SNRPN: variants seen among roughly 807,000 people sequenced by gnomAD.
The protein encoded by SNRPN is small nuclear ribonucleoprotein polypeptide N.
A neutral mutation model predicts 25.2 loss-of-function variants in SNRPN; 7 were observed. The ratio of observed to expected loss-of-function variants is 0.28; its 90% confidence interval spans 0.16 to 0.52. The LOEUF (loss-of-function observed/expected upper bound fraction) is 0.52, where lower values mean the gene tolerates loss of function less well. Among genes scored for constraint, SNRPN ranks in the 20% least tolerant of loss-of-function variants. The pLI is 0.96. For synonymous variants in SNRPN, 124 were observed against 110.6 expected, an observed-to-expected ratio of 1.12 and a Z score of -0.76; for missense variants, 196 against 322.5, an observed-to-expected ratio of 0.61 and a Z score of 3.00.
upstream of SNRPN, among the ~76,000 whole-genome samples, chr15:24,950,828 T>C (rs2062205995): frequency 2.0e-5 from 3 of 151,680 alleles, no homozygotes; most frequent in Admixed American, 2.0e-4. Flanking sequence ...GATTACAGGC[T>C]TGAGCCCCTG....
At chr15:24,958,386 CTTT>C (rs75210247) in intron 1 of SNRPN, among the ~76,000 whole-genome samples, 6 of 124,208 alleles carry the variant, frequency 4.8e-5, no homozygotes, top group African/African-American at 5.7e-5. Flanking sequence ...GTCCTGTCTC[CTTT>C]TTTTTTTTTT....
chr15:24,847,841 C>T (rs559296532), intron 2 of SNRPN, among the ~76,000 whole-genome samples: 1 of 152,210 alleles, frequency 6.6e-6, no homozygotes, highest in Admixed American at 6.5e-5. Context: ...CGCAATCATA[C>T]TTCGGATATA....
At chr15:24,853,100 G>A (rs2053031482), upstream of SNRPN, among the ~76,000 whole-genome samples, 1 of 152,136 alleles carries the variant, frequency 6.6e-6, no homozygotes, top group South Asian at 2.1e-4. Context: ...GAACAAATTG[G>A]TAATATAAAG....
intron 2 of SNRPN, chr15:24,909,545 G>C (rs2059078528): frequency 1.4e-6 from 2 of 1,449,570 alleles, no homozygotes; most frequent in Non-Finnish European, 1.9e-6. Flanking sequence ...AGCATAATTT[G>C]TCGGGCCAAC....
intron 3 of SNRPN, among the ~76,000 whole-genome samples, chr15:24,920,894 T>A (rs546582487): frequency 7.3e-4 from 111 of 152,338 alleles, no homozygotes; most frequent in South Asian, 6.4e-3. Flanking sequence ...TTGCTTTGTG[T>A]CTGTGTTTTA....
rs139368495 is a variant in SNRPN, at chr15:24,872,222, C to A, written c.-578-14294C>A. Among the ~76,000 whole-genome samples, 45 of 117,020 alleles carry A rather than the reference C, an allele frequency of 3.8e-4. 8 individuals carry two copies. The highest frequency in any genetic ancestry group is 1.3e-3 in the African/African-American group (43 of 34,308). The allele number at this position is 117,020 out of a possible 152,430, so 76.8% of individuals were successfully genotyped here. On this transcript the variant is annotated intron_variant, in intron 1 of 11. Coordinates refer to the SNRPN transcript ENST00000400097. ...CACTTTTGTTGCCCAGGTTGGAGTGCAGTGGCACAATCTCAGCTCACTGCA... is the reference window on the plus strand; with the variant it reads ...CACTTTTGTTGCCCAGGTTGGAGTGAAGTGGCACAATCTCAGCTCACTGCA...
intron 3 of SNRPN, among the ~76,000 whole-genome samples, chr15:24,938,163 T>C (rs1403955134): frequency 6.7e-6 from 1 of 149,048 alleles, no homozygotes; most frequent in Non-Finnish European, 1.5e-5. Flanking sequence ...CAGGCTGGAG[T>C]CCAGTGCCAC....
At chr15:24,951,848 C>T (rs144076497), upstream of SNRPN, among the ~76,000 whole-genome samples, 633 of 152,262 alleles carry the variant, frequency 4.2e-3, 2 homozygotes, top group Middle Eastern at 0.031. Context: ...TACTACACTC[C>T]TAGTAGCTTT....
At chr15:24,909,403 A>G in intron 2 of SNRPN, 3 of 1,597,902 alleles carry the variant, frequency 1.9e-6, no homozygotes, top group Non-Finnish European at 2.5e-6. Flanking sequence ...AGGTAAAGGC[A>G]CTTGGCTGAC....
At chr15:24,925,139 T>C (rs2060294158) in intron 3 of SNRPN, among the ~76,000 whole-genome samples, 1 of 152,204 alleles carries the variant, frequency 6.6e-6, no homozygotes, top group Non-Finnish European at 1.5e-5. Flanking sequence ...TTATTCAGGG[T>C]TGAGTCAGGA....
At chr15:24,910,606 T>C (rs1366712745) in intron 2 of SNRPN, among the ~76,000 whole-genome samples, 1 of 152,112 alleles carries the variant, frequency 6.6e-6, no homozygotes, top group Non-Finnish European at 1.5e-5. Flanking sequence ...GTGATTCTCC[T>C]GACTCAGCCT....
intron 2 of SNRPN, among the ~76,000 whole-genome samples, chr15:24,839,268 C>T (rs2142954276): frequency 6.6e-6 from 1 of 152,082 alleles, no homozygotes; most frequent in Non-Finnish European, 1.5e-5. Flanking sequence ...GCATACAAAG[C>T]CCATCATATT....
chr15:24,840,050 G>A (rs2051554870), intron 2 of SNRPN, among the ~76,000 whole-genome samples: 1 of 152,134 alleles, frequency 6.6e-6, no homozygotes, highest in Non-Finnish European at 1.5e-5. Context: ...TATCAAGTAA[G>A]GATTGCCATT....
At chr15:24,826,931 CTA>C (rs1595310491) in intron 1 of SNRPN, among the ~76,000 whole-genome samples, 1 of 151,958 alleles carries the variant, frequency 6.6e-6, no homozygotes, top group Non-Finnish European at 1.5e-5. Context: ...CATGGCTAGG[CTA>C]TATGGTAAAG....
chr15:24,911,377 T>C (rs1213927977), intron 2 of SNRPN, among the ~76,000 whole-genome samples: 1 of 152,112 alleles, frequency 6.6e-6, no homozygotes, highest in Non-Finnish European at 1.5e-5. Context: ...GCACTGAGAA[T>C]GCCACAACCA....
chr15:24,871,052 T>G (rs1021219116), intron 1 of SNRPN, among the ~76,000 whole-genome samples: 1 of 151,742 alleles, frequency 6.6e-6, no homozygotes. Context: ...GGCTAATTAT[T>G]TGGTATTTTT....
At chr15:24,966,723 C>T (rs2075694736) in intron 2 of SNRPN, among the ~76,000 whole-genome samples, 1 of 152,106 alleles carries the variant, frequency 6.6e-6, no homozygotes, top group Admixed American at 6.6e-5. Flanking sequence ...GGAGCAAAGG[C>T]CAGTTAAATT....
chr15:24,839,265 A>T (rs973505990), intron 2 of SNRPN, among the ~76,000 whole-genome samples: 1 of 152,060 alleles, frequency 6.6e-6, no homozygotes, highest in Non-Finnish European at 1.5e-5. Context: ...GGTGCATACA[A>T]AGCCCATCAT....
At chr15:24,960,945 CCTT>C (rs2074697238) in intron 1 of SNRPN, among the ~76,000 whole-genome samples, 1 of 152,086 alleles carries the variant, frequency 6.6e-6, no homozygotes, top group African/African-American at 2.4e-5. Flanking sequence ...CCTCTCCCTA[CCTT>C]CTTTTTTTTC....
Sources: allele counts gnomAD v4.1 joint callset (sites outside exome capture counted in the v4.1 genomes callset), GRCh38; gene constraint gnomAD v4.1.1; transcripts MANE v1.5; gene names NCBI Gene and HGNC (gene_info 2026-07-23, HGNC 2026-07-21).